VPS13C: variants seen among roughly 807,000 people sequenced by gnomAD.
VPS13C encodes the protein vacuolar protein sorting 13 homolog C, also known as intermembrane lipid transfer protein VPS13C.
Under a neutral mutation model 456.8 loss-of-function variants are expected in VPS13C, and 358 were observed. That is an observed-to-expected ratio of 0.78 (90% confidence interval 0.72 to 0.86). The LOEUF (loss-of-function observed/expected upper bound fraction) is 0.86. VPS13C is among the 40% of genes least tolerant of loss of function. The pLI, the probability that VPS13C is intolerant of heterozygous loss-of-function variation, is 0.00. For synonymous variants in VPS13C, 1,578 were observed against 1,486.7 expected (o/e 1.06, Z -1.41); for missense variants, 4,818 against 4,385.4 (o/e 1.10, Z -2.79).
chr15:61,910,059 T>C, intron 64 of VPS13C, 118 bp downstream of exon 64: 1 of 450,702 alleles, frequency 2.2e-6, no homozygotes, highest in Non-Finnish European at 3.0e-6. Flanking sequence ...CACACCAACA[T>C]GGCACATGTA....
chr15:61,859,855 G>A (rs1894129493), intron 82 of VPS13C, among the ~76,000 whole-genome samples: 1 of 151,258 alleles, frequency 6.6e-6, no homozygotes, highest in African/African-American at 2.4e-5. Context: ...TTTAAAGTCT[G>A]CTCAATAATG....
At chr15:61,981,595 T>A in intron 21 of VPS13C, 117 bp from the exon 22 acceptor site, 4 of 1,025,400 alleles carry the variant, frequency 3.9e-6, no homozygotes, top group Non-Finnish European at 5.2e-6. Context: ...GTGCGGTGGC[T>A]CACGCCTGTC....
chr15:61,969,556 CTT>C (rs1432989989), intron 27 of VPS13C, 104 bp from the exon 28 acceptor site: 1 of 665,248 alleles, frequency 1.5e-6, no homozygotes, highest in Non-Finnish European at 2.2e-6. Flanking sequence ...AGAATAGTAA[CTT>C]TGCTCATATC....
At chr15:62,050,839 C>A (rs2048594076) in intron 1 of VPS13C, among the ~76,000 whole-genome samples, 2 of 143,134 alleles carry the variant, frequency 1.4e-5, no homozygotes, top group African/African-American at 5.1e-5. Flanking sequence ...AATCCTGGAT[C>A]AAAACTGGAT....
rs747758192 is a variant in VPS13C, at chr15:61,978,763, C to A, written c.2167-14G>T. Reference sequence around the variant, plus strand: ...TTTACTGTTGAGCTAAAATGAAGGACAAATTTCAATTTTTTTTTCCAAAAC... The same window carrying A: ...TTTACTGTTGAGCTAAAATGAAGGAAAAATTTCAATTTTTTTTTCCAAAAC... On this transcript the variant is annotated splice_polypyrimidine_tract_variant and intron_variant, in intron 22 of 84. Coordinates refer to ENST00000644861, the MANE Select transcript of VPS13C (RefSeq NM_020821.3). 3.2e-6 allele frequency: 5 copies of A among 1,567,446 alleles called. No individual in the cohort carries two copies. Among genetic ancestry groups the A allele is most frequent in the African/African-American group, 2.8e-5 (2 of 72,146 alleles).
chr15:61,961,405 AC>A (rs2045199475), intron 35 of VPS13C, among the ~76,000 whole-genome samples, 183 bp downstream of exon 35: 1 of 50,064 alleles, frequency 2.0e-5, no homozygotes, highest in Non-Finnish European at 5.7e-5. Context: ...ACACACACAC[AC>A]ACACACACAC....
intron 15 of VPS13C, among the ~76,000 whole-genome samples, chr15:62,001,162 T>C (rs2046598917): frequency 6.6e-6 from 1 of 152,280 alleles, no homozygotes; most frequent in African/African-American, 2.4e-5. Context: ...CTTTATGTGC[T>C]GTCTCATACA....
Position 61,911,945 on chromosome 15 carries a change from G to C in VPS13C, c.8610C>G (p.Pro2870=), listed in dbSNP as rs2043313800. Residue 2870 remains proline (P), a synonymous_variant, in exon 63 of 85, where the codon CCC becomes CCG. Coordinates refer to ENST00000644861, the MANE Select transcript of VPS13C (RefSeq NM_020821.3). ...ATGACTTGTTTGCAATGGTACAAAA[G>C]GGAGTCAGGGTAACTATTCGTGAAA... The part of the protein sequence containing the change: ...FNLSRIVTLT[P]FCTIANKSSL... The C allele has an allele frequency of 1.2e-6, 2 of 1,612,360 alleles. No homozygotes were observed. Among genetic ancestry groups the C allele is most frequent in the Non-Finnish European group, 1.7e-6 (2 of 1,179,198 alleles).
intron 66 of VPS13C, among the ~76,000 whole-genome samples, chr15:61,893,738 T>C (rs1055892765): frequency 6.6e-6 from 1 of 151,884 alleles, no homozygotes; most frequent in Non-Finnish European, 1.5e-5. Flanking sequence ...CCAAGATGTA[T>C]GGGGGATGGA....
At chr15:61,908,906 A>C (rs1321337485) in intron 65 of VPS13C, 86 bp downstream of exon 65, 1 of 1,496,452 alleles carries the variant, frequency 6.7e-7, no homozygotes, top group African/African-American at 1.4e-5. Flanking sequence ...AAAATCTAAA[A>C]ACATTTTGAA....
At chr15:62,012,555 G>T (rs1011882779) in intron 11 of VPS13C, among the ~76,000 whole-genome samples, 2 of 151,834 alleles carry the variant, frequency 1.3e-5, no homozygotes, top group African/African-American at 4.8e-5. Context: ...AAATTGAATT[G>T]TTCTTTCTTT....
chr15:62,039,545 A>G (rs1335721347), intron 3 of VPS13C, among the ~76,000 whole-genome samples: 2 of 152,198 alleles, frequency 1.3e-5, no homozygotes, highest in Non-Finnish European at 1.5e-5. Context: ...AAAAATGAGC[A>G]AAAGATCTGA....
chr15:62,024,525 C>T (rs2047568792), intron 6 of VPS13C, among the ~76,000 whole-genome samples: 1 of 152,080 alleles, frequency 6.6e-6, no homozygotes, highest in Non-Finnish European at 1.5e-5. Context: ...ATCACCTCCA[C>T]CCTGAACTCT....
chr15:61,968,333 G>A (rs2045442820), intron 28 of VPS13C, among the ~76,000 whole-genome samples: 3 of 151,928 alleles, frequency 2.0e-5, no homozygotes. Context: ...TCAACATGGT[G>A]TAACAACTCT....
At chr15:61,988,085 T>TCAAAAATATCA (rs2046113058) in intron 18 of VPS13C, among the ~76,000 whole-genome samples, 2 of 152,172 alleles carry the variant, frequency 1.3e-5, no homozygotes, top group Admixed American at 6.5e-5. Flanking sequence ...TCAACATGGA[T>TCAAAAATATCA]GAATATCAAA....
intron 1 of VPS13C, among the ~76,000 whole-genome samples, chr15:62,058,392 A>G (rs1231390128): frequency 6.6e-6 from 1 of 152,234 alleles, no homozygotes; most frequent in Non-Finnish European, 1.5e-5. Context: ...GGATGTAAAC[A>G]AAGAATGTAC....
chr15:61,960,187 C>G (rs1031498882), intron 35 of VPS13C, among the ~76,000 whole-genome samples: 1 of 152,104 alleles, frequency 6.6e-6, no homozygotes, highest in African/African-American at 2.4e-5. Flanking sequence ...TGTGTAAGTT[C>G]AATCAAACCA....
In VPS13C at chr15:61,890,249, T is replaced by G; in HGVS notation, c.9257A>C (p.Glu3086Ala). The change falls in exon 67 of 85, where the codon GAA (glutamate) becomes GCA (alanine). Residue 3086 changes from glutamate (E) to alanine (A), a missense_variant. Glu to Ala is a moderately radical substitution (Grantham distance 107). Around this residue, in one of 3 missense-constraint regions of VPS13C, gnomAD observed 4,552 missense variants for 4,130.6 expected, o/e 1.10. Coordinates refer to ENST00000644861, the MANE Select transcript of VPS13C (RefSeq NM_020821.3). Reference protein sequence around the residue: ...QAEEMEQADYEITLSLHSLGL... With the variant: ...QAEEMEQADYAITLSLHSLGL... Reference sequence around the variant, plus strand: ...AAGACTGTGGAGAGACAAGGTTATTTCATAATCAGCCTGTTCCATTTCTTC... The same window carrying G: ...AAGACTGTGGAGAGACAAGGTTATTGCATAATCAGCCTGTTCCATTTCTTC... 6.2e-7 allele frequency: 1 copy of G among 1,614,120 alleles called. No individual in the cohort carries two copies. Among genetic ancestry groups the G allele is most frequent in the East Asian group, 2.2e-5 (1 of 44,870 alleles).
At chr15:62,037,390 AATATATT>A (rs1423038230) in intron 3 of VPS13C, among the ~76,000 whole-genome samples, 4 of 104,176 alleles carry the variant, frequency 3.8e-5, no homozygotes, top group South Asian at 2.5e-4. Context: ...AAATGTATAT[AATATATT>A]ATATATAAAT....
Sources: allele counts gnomAD v4.1 joint callset (sites outside exome capture counted in the v4.1 genomes callset), GRCh38; gene constraint gnomAD v4.1.1; regional missense constraint gnomAD v4.1.1; transcripts MANE v1.5; gene names NCBI Gene and HGNC (gene_info 2026-07-23, HGNC 2026-07-21).